ELAVL2: variants seen among roughly 807,000 people sequenced by gnomAD.
ELAVL2 encodes the protein ELAV like RNA binding protein 2.
Under a neutral mutation model 34.6 loss-of-function variants are expected in ELAVL2, and 4 were observed. That is an observed-to-expected ratio of 0.12 (90% CI 0.06 to 0.26). The LOEUF is 0.26. Ranked by LOEUF, ELAVL2 falls within the 10% of genes least tolerant of loss-of-function variation. The pLI is 1.00. For missense variants in ELAVL2, 432 were observed against 442.8 expected, an observed-to-expected ratio of 0.98 and a Z score of 0.22; for synonymous variants, 193 against 154.8, an observed-to-expected ratio of 1.25 and a Z score of -1.83.
At chr9:23,846,278 A>T in the ELAVL2 span, among the ~76,000 whole-genome samples, 1 of 151,902 alleles carries the variant, frequency 6.6e-6, no homozygotes, top group Non-Finnish European at 1.5e-5. Flanking sequence ...CAGTTTAAAA[A>T]ATCCCCCTTA....
At chr9:23,844,120 G>A in the ELAVL2 span, among the ~76,000 whole-genome samples, 1 of 151,954 alleles carries the variant, frequency 6.6e-6, no homozygotes, top group African/African-American at 2.4e-5. Flanking sequence ...AAGCCTTCCT[G>A]AATACCACAC....
At chr9:23,768,669 A>T (rs534778030) in intron 1 of ELAVL2, among the ~76,000 whole-genome samples, 7 of 152,256 alleles carry the variant, frequency 4.6e-5, no homozygotes, top group African/African-American at 1.4e-4. Context: ...CTTTGTGAAA[A>T]GTTGTGTATT....
At chr9:23,807,181 T>C (rs568861197) in intron 1 of ELAVL2, among the ~76,000 whole-genome samples, 65 of 152,298 alleles carry the variant, frequency 4.3e-4, no homozygotes, top group South Asian at 2.9e-3. Flanking sequence ...ACTAAGAGCC[T>C]AGTCAAGTAA....
At chr9:23,743,068 T>G (rs536684171) in intron 2 of ELAVL2, among the ~76,000 whole-genome samples, 2 of 152,164 alleles carry the variant, frequency 1.3e-5, no homozygotes, top group African/African-American at 4.8e-5. Context: ...TGGAACACAG[T>G]CCCCAGAGGA....
chr9:23,813,322 G>A (rs934407246), intron 1 of ELAVL2, among the ~76,000 whole-genome samples: 5 of 151,878 alleles, frequency 3.3e-5, no homozygotes, highest in African/African-American at 9.7e-5. Flanking sequence ...TGGAGTGGGG[G>A]AGAAAAGGCT....
intron 4 of ELAVL2, among the ~76,000 whole-genome samples, chr9:23,701,922 A>ACT (rs2037395418): frequency 6.6e-6 from 1 of 151,724 alleles, no homozygotes; most frequent in Non-Finnish European, 1.5e-5. Flanking sequence ...CCTCCCGTAC[A>ACT]CTCTTTTAAT....
chr9:23,825,052 C>G (rs1206412122), intron 1 of ELAVL2, among the ~76,000 whole-genome samples: 1 of 152,178 alleles, frequency 6.6e-6, no homozygotes, highest in African/African-American at 2.4e-5. Context: ...CTCCAAGGAT[C>G]TTATTTACGC....
chr9:23,775,703 T>A (rs939339058), intron 1 of ELAVL2, among the ~76,000 whole-genome samples: 1 of 152,102 alleles, frequency 6.6e-6, no homozygotes, highest in Non-Finnish European at 1.5e-5. Flanking sequence ...AGCTCCTACC[T>A]CTTCATCCAC....
intron 1 of ELAVL2, among the ~76,000 whole-genome samples, chr9:23,780,928 A>C (rs2058972964): frequency 6.6e-6 from 1 of 152,192 alleles, no homozygotes; most frequent in East Asian, 1.9e-4. Flanking sequence ...CTCATTCCCA[A>C]GTCCCAGGCT....
At chr9:23,740,650 A>G (rs2048946521) in intron 2 of ELAVL2, among the ~76,000 whole-genome samples, 1 of 151,818 alleles carries the variant, frequency 6.6e-6, no homozygotes, top group African/African-American at 2.4e-5. Flanking sequence ...CTGTGAAAGA[A>G]AAAAAAAATG....
At chr9:23,785,692 C>G (rs1323689077) in intron 1 of ELAVL2, among the ~76,000 whole-genome samples, 1 of 152,144 alleles carries the variant, frequency 6.6e-6, no homozygotes, top group Non-Finnish European at 1.5e-5. Context: ...CCTATTCTGT[C>G]AATGAGCAGC....
At position 23,775,191 on chromosome 9, in the gene ELAVL2, A is replaced by C. The variant is rs548318739; in HGVS notation, c.-15-12942T>G. Among the ~76,000 whole-genome samples the C allele has an allele frequency of 3.9e-5, 6 of 152,314 alleles. No individual in the cohort carries two copies. In the South Asian group the frequency reaches 8.3e-4, roughly 21 times the overall value. Reference sequence around the variant, plus strand: ...GTAAAAATAAATGGCAAGGGAAAGAAACTAGCAATTATTGATTCCTCTTTC... The same window carrying C: ...GTAAAAATAAATGGCAAGGGAAAGACACTAGCAATTATTGATTCCTCTTTC... On this transcript the variant is annotated intron_variant, in intron 1 of 6. Coordinates refer to ENST00000397312, the MANE Select transcript of ELAVL2 (RefSeq NM_004432.5).
chr9:23,718,109 T>TA (rs1377136914), intron 3 of ELAVL2, among the ~76,000 whole-genome samples: 2 of 152,106 alleles, frequency 1.3e-5, no homozygotes, highest in Non-Finnish European at 2.9e-5. Context: ...AATAAAGCCC[T>TA]AAGGGGTGGG....
intron 1 of ELAVL2, among the ~76,000 whole-genome samples, chr9:23,806,355 G>C (rs932645516): frequency 3.3e-5 from 5 of 152,112 alleles, no homozygotes; most frequent in Admixed American, 2.0e-4. Flanking sequence ...AATCAGACTA[G>C]CCAGGTGAGG....
chr9:23,748,172 G>T (rs957560887), intron 2 of ELAVL2, among the ~76,000 whole-genome samples: 10 of 151,506 alleles, frequency 6.6e-5, no homozygotes, highest in African/African-American at 2.4e-4. Flanking sequence ...CTTCCTTGAG[G>T]GGTAGGGGGA....
At chr9:23,850,016 A>G in the ELAVL2 span, 1 of 152,078 alleles carries the variant, frequency 6.6e-6, no homozygotes, top group Non-Finnish European at 1.5e-5. Flanking sequence ...TAGTAATCAC[A>G]ACAAAAAGGA....
chr9:23,772,339 G>A (rs1482901678), intron 1 of ELAVL2, among the ~76,000 whole-genome samples: 4 of 151,966 alleles, frequency 2.6e-5, no homozygotes, highest in African/African-American at 7.3e-5. Context: ...CAGAAAGAAT[G>A]ACTAATCTTA....
At position 23,744,734 on chromosome 9, in the gene ELAVL2, C is replaced by T. The variant is rs11789006; in HGVS notation, c.230-13609G>A. ...CTATTTTGGGCTTCTTTATCCTTCTCGCGCACCCCCCACGAAAAAAAATAA... is the reference window on the plus strand; with the variant it reads ...CTATTTTGGGCTTCTTTATCCTTCTTGCGCACCCCCCACGAAAAAAAATAA... On this transcript the variant is annotated intron_variant, in intron 2 of 6. Transcript: ENST00000397312. Among the ~76,000 whole-genome samples the T allele has an allele frequency of 5.4e-4, 82 of 151,728 alleles. 1 individual carries two copies. The highest frequency in any genetic ancestry group is 6.8e-3 in the Middle Eastern group (2 of 294).
chr9:23,790,846 T>A (rs1284549932), intron 1 of ELAVL2, among the ~76,000 whole-genome samples: 1 of 152,124 alleles, frequency 6.6e-6, no homozygotes, highest in African/African-American at 2.4e-5. Context: ...AAACCTCACA[T>A]CTCTTAGTAT....
Sources: gnomAD v4.1 joint callset for allele counts (sites outside exome capture counted in the v4.1 genomes callset) on GRCh38, gnomAD v4.1.1 for gene constraint, MANE v1.5 for transcripts, NCBI Gene and HGNC (gene_info 2026-07-23, HGNC 2026-07-21) for gene names.